The following DAB2IP variants were observed in gnomAD, a reference collection of about 807,000 sequenced individuals.
DAB2IP encodes the protein disabled homolog 2-interacting protein.
DAB2IP carries 28 observed loss-of-function variants against 107.2 expected under a neutral mutation model. That is an observed-to-expected ratio of 0.26 (90% CI 0.19 to 0.36). The LOEUF (loss-of-function observed/expected upper bound fraction) is 0.36, where lower values mean the gene tolerates loss of function less well. DAB2IP is among the 10% of genes least tolerant of loss of function. DAB2IP has a pLI of 1.00. For missense variants in DAB2IP, 1,400 were observed against 1,644.7 expected (o/e 0.85, Z 2.57); for synonymous variants, 755 against 706.4 (o/e 1.07, Z -1.09).
At chr9:121,724,513 A>G (rs1210921916) in intron 3 of DAB2IP, among the ~76,000 whole-genome samples, 1 of 152,224 alleles carries the variant, frequency 6.6e-6, no homozygotes, top group African/African-American at 2.4e-5. Context: ...ATGTTGTTAC[A>G]TACTTCGTGT....
rs146815800 is a variant in DAB2IP at position 121,774,784 on chromosome 9, T to C, written c.3120+372T>C. On this transcript the variant is annotated intron_variant, in intron 13 of 15. Transcript: ENST00000408936. Reference sequence around the variant, plus strand: ...CCCAAGTGACATATAGAAGCCCCCCTGAGGGAACTTGGTACCTGAGGAGGC... The same window carrying C: ...CCCAAGTGACATATAGAAGCCCCCCCGAGGGAACTTGGTACCTGAGGAGGC... Among the ~76,000 whole-genome samples the C allele has an allele frequency of 2.9e-3, 447 of 152,160 alleles. 1 individual carries two copies. The highest frequency in any genetic ancestry group is 5.9e-3 in the African/African-American group (246 of 41,506).
intron 1 of DAB2IP, among the ~76,000 whole-genome samples, chr9:121,614,872 T>C (rs1456736438): frequency 1.3e-5 from 2 of 152,130 alleles, no homozygotes; most frequent in African/African-American, 4.8e-5. Context: ...TAGCTGGGAC[T>C]ATAGGGGTGC....
intron 3 of DAB2IP, among the ~76,000 whole-genome samples, chr9:121,718,167 C>T (rs978849432): frequency 1.8e-4 from 28 of 152,188 alleles, no homozygotes; most frequent in African/African-American, 6.8e-4. Flanking sequence ...GGCAACAGCT[C>T]TGCGCCAGCC....
intron 3 of DAB2IP, among the ~76,000 whole-genome samples, chr9:121,719,662 C>G (rs1372428548): frequency 1.3e-5 from 2 of 152,138 alleles, no homozygotes; most frequent in Non-Finnish European, 2.9e-5. Flanking sequence ...AGGGAGGGCC[C>G]AAGGATAAGC....
chr9:121,777,231 A>C (rs1296110115), intron 14 of DAB2IP, among the ~76,000 whole-genome samples: 1 of 152,240 alleles, frequency 6.6e-6, no homozygotes, highest in Non-Finnish European at 1.5e-5. Context: ...TCAGCTGGAC[A>C]GACCAAGCAG....
chr9:121,651,741 G>C lies in DAB2IP; in HGVS notation c.-35G>C. ...CGGCCGATGGGGCCCGTGTGAGCGCGCCCAGGCCCGGCCCGGTGCCCGGCG... is the reference window on the plus strand; with the variant it reads ...CGGCCGATGGGGCCCGTGTGAGCGCCCCCAGGCCCGGCCCGGTGCCCGGCG... On this transcript the variant is annotated 5_prime_UTR_variant, in exon 1 of 16. Coordinates refer to ENST00000408936, the Ensembl canonical transcript of DAB2IP. The surrounding 1 kb of genome is among the most constrained non-coding windows in gnomAD (Gnocchi z 5.1). 1 of 1,256,544 alleles carries C rather than the reference G, an allele frequency of 8.0e-7. No individual in the cohort carries two copies. The highest frequency in any genetic ancestry group is 1.6e-5 in the African/African-American group (1 of 64,274). 77.8% of individuals were successfully genotyped at this position (1,256,544 alleles called of 1,614,324 possible).
chr9:121,677,219 A>G (rs576793151), intron 1 of DAB2IP, among the ~76,000 whole-genome samples: 28 of 152,176 alleles, frequency 1.8e-4, no homozygotes, highest in Non-Finnish European at 3.7e-4. Context: ...ACAGATTCTC[A>G]TGTTTGAAAA....
At chr9:121,727,353 T>C (rs1025380433) in intron 3 of DAB2IP, among the ~76,000 whole-genome samples, 7 of 152,232 alleles carry the variant, frequency 4.6e-5, no homozygotes, top group African/African-American at 1.7e-4. Context: ...GGACAAAAAG[T>C]GTAACCATTT....
chr9:121,618,295 A>C (rs996559219), intron 1 of DAB2IP, among the ~76,000 whole-genome samples: 3 of 152,222 alleles, frequency 2.0e-5, no homozygotes, highest in African/African-American at 7.2e-5. Context: ...AGGAGGGAGC[A>C]GACACAGGCA....
intron 1 of DAB2IP, among the ~76,000 whole-genome samples, chr9:121,570,843 G>T (rs550206705): frequency 6.0e-5 from 9 of 151,222 alleles, no homozygotes; most frequent in African/African-American, 2.2e-4. Flanking sequence ...CCACAGTGCC[G>T]GCCTGGCTTC....
chr9:121,703,010 CTA>C (rs1372625415), intron 3 of DAB2IP, among the ~76,000 whole-genome samples: 1 of 152,176 alleles, frequency 6.6e-6, no homozygotes, highest in Admixed American at 6.5e-5. Context: ...GGCAAGGCTG[CTA>C]TGTGTGGAGT....
chr9:121,595,434 A>C (rs1215813482), intron 1 of DAB2IP, among the ~76,000 whole-genome samples: 1 of 151,636 alleles, frequency 6.6e-6, no homozygotes, highest in African/African-American at 2.4e-5. Context: ...CTCTACAACA[A>C]ACAAACAAAC....
chr9:121,567,727 G>T (rs1829841988), intron 1 of DAB2IP, among the ~76,000 whole-genome samples: 1 of 152,218 alleles, frequency 6.6e-6, no homozygotes, highest in South Asian at 2.1e-4. Flanking sequence ...AGCTGCCCAG[G>T]CCACTGGAAG....
chr9:121,647,554 G>A (rs1167598018), upstream of DAB2IP, among the ~76,000 whole-genome samples: 1 of 151,944 alleles, frequency 6.6e-6, no homozygotes. Flanking sequence ...TTTCCAGCAG[G>A]GATGCTGATG....
Position 121,772,479 on chromosome 9 carries a change from TC to T in DAB2IP, c.2079-124del. On this transcript the variant is annotated intron_variant, in intron 11 of 15. Transcript: ENST00000408936. This position sits in a 1 kb window ranked among gnomAD's most constrained non-coding sequence, Gnocchi z 4.7. ...CTCCTGCCACCCCAGCGCATCCATC[TC>T]CCCAGCGCTGGCTCAGGCTGCCAGG... is the stretch of plus-strand genomic sequence containing the variant. 1 of 996,756 alleles carries T rather than the reference TC, an allele frequency of 1.0e-6. No individual in the cohort carries two copies. The highest frequency in any genetic ancestry group is 1.5e-6 in the Non-Finnish European group (1 of 669,944). The allele number at this position is 996,756 out of a possible 1,614,324, so 61.7% of individuals were successfully genotyped here.
intron 1 of DAB2IP, among the ~76,000 whole-genome samples, chr9:121,668,894 A>G (rs907337736): frequency 6.7e-6 from 1 of 149,100 alleles, no homozygotes. Context: ...TAAAGGGTCC[A>G]TAGTAAGCCT....
At chr9:121,773,993 C>T (rs1378761931) in intron 12 of DAB2IP, among the ~76,000 whole-genome samples, 5 of 152,222 alleles carry the variant, frequency 3.3e-5, no homozygotes, top group Non-Finnish European at 7.3e-5. Context: ...CCCCGGTGCC[C>T]CCAGTGGCAG....
At chr9:121,718,645 T>TG (rs1017464631) in intron 3 of DAB2IP, among the ~76,000 whole-genome samples, 1 of 152,172 alleles carries the variant, frequency 6.6e-6, no homozygotes, top group Admixed American at 6.6e-5. Flanking sequence ...CTCTGCAAAA[T>TG]GGGGGATAGT....
chr9:121,783,558 G>T (rs766270691), exon 16 of DAB2IP: 6 of 1,613,832 alleles, frequency 3.7e-6, no homozygotes, highest in Non-Finnish European at 4.2e-6. Flanking sequence ...ACAAAAGCCC[G>T]CTTGCTCGCT....
Sources: gnomAD v4.1 joint callset for allele counts (sites outside exome capture counted in the v4.1 genomes callset) on GRCh38, gnomAD v4.1.1 for gene constraint, Gnocchi (gnomAD v3.1) non-coding constraint, MANE v1.5 for transcripts, NCBI Gene and HGNC (gene_info 2026-07-23, HGNC 2026-07-21) for gene names.